The following CLIP1 variants were observed in gnomAD, a reference collection of about 807,000 sequenced individuals.
CLIP1 encodes the protein CAP-Gly domain containing linker protein 1.
Under a neutral mutation model 161.6 loss-of-function variants are expected in CLIP1, and 66 were observed. The ratio of observed to expected loss-of-function variants is 0.41; its 90% CI spans 0.33 to 0.50. The LOEUF (loss-of-function observed/expected upper bound fraction) is 0.50. CLIP1 is among the 20% of genes least tolerant of loss of function. The pLI is 0.27. For synonymous variants in CLIP1, 598 were observed against 626.2 expected (o/e 0.96, Z 0.67); for missense variants, 1,376 against 1,702.0 (o/e 0.81, Z 3.37).
chr12:122,364,998 C>T, intron 3 of CLIP1: 1 of 401,636 alleles, frequency 2.5e-6, no homozygotes, highest in Non-Finnish European at 4.7e-6. Context: ...AAAAACCAAA[C>T]ACCGCATGTT....
At chr12:122,313,017 G>C (rs139230711) in intron 19 of CLIP1, among the ~76,000 whole-genome samples, 11 of 152,090 alleles carry the variant, frequency 7.2e-5, no homozygotes, top group Non-Finnish European at 1.2e-4. Context: ...ACCGCAGAAG[G>C]CCCTGGAAAT....
intron 21 of CLIP1, among the ~76,000 whole-genome samples, chr12:122,282,871 A>T (rs932433651): frequency 6.6e-6 from 1 of 152,212 alleles, no homozygotes; most frequent in Non-Finnish European, 1.5e-5. Flanking sequence ...AAGCAAGAGT[A>T]GGAAAGGGAA....
In CLIP1 at chr12:122,351,869, C is replaced by G. The variant is rs116599201; in HGVS notation, c.1369-726G>C. Among the ~76,000 whole-genome samples the G allele has an allele frequency of 9.4e-3, 1,429 of 152,074 alleles. 14 individuals are homozygous for G. The highest frequency in any genetic ancestry group is 0.033 in the African/African-American group (1,353 of 41,480). The stretch of plus-strand genomic sequence containing the variant: ...GAGAAACCTGACACTAAAGGAAAAT[C>G]CATGAATTCTACAAATGCCATGAAA... On this transcript the variant is annotated intron_variant, in intron 8 of 25. Coordinates refer to ENST00000620786, the MANE Select transcript of CLIP1 (RefSeq NM_001247997.2).
At chr12:122,354,820 C>A in intron 6 of CLIP1, 1 of 576,144 alleles carries the variant, frequency 1.7e-6, no homozygotes, top group Admixed American at 3.0e-5. Flanking sequence ...CAAACAGCAG[C>A]TATAATCAAT....
At chr12:122,318,961 G>C (rs1165575171) in intron 18 of CLIP1, among the ~76,000 whole-genome samples, 2 of 152,216 alleles carry the variant, frequency 1.3e-5, no homozygotes, top group Non-Finnish European at 2.9e-5. Flanking sequence ...ACAAAAGCTA[G>C]AGCAGGCCAT....
At chr12:122,309,499 T>C (rs1201271268) in intron 20 of CLIP1, among the ~76,000 whole-genome samples, 2 of 152,178 alleles carry the variant, frequency 1.3e-5, no homozygotes, top group Non-Finnish European at 2.9e-5. Flanking sequence ...GCTACAAGAT[T>C]GTCTAATAAA....
chr12:122,354,807 C>A (rs1044111152), intron 6 of CLIP1: 2 of 575,320 alleles, frequency 3.5e-6, no homozygotes, highest in Admixed American at 3.0e-5. Flanking sequence ...TAAGAGTAAT[C>A]CACAAACAGC....
intron 9 of CLIP1, among the ~76,000 whole-genome samples, chr12:122,349,076 G>A (rs992848361): frequency 1.3e-5 from 2 of 152,128 alleles, no homozygotes; most frequent in Admixed American, 6.6e-5. Flanking sequence ...CTAACTGTCT[G>A]GATAATCCCC....
At chr12:122,276,598 G>T in intron 24 of CLIP1, 2 of 745,146 alleles carry the variant, frequency 2.7e-6, no homozygotes, top group African/African-American at 1.8e-5. Context: ...GAATCGTTTT[G>T]TGCCCCTCAA....
chr12:122,333,377 T>C (rs1056318693), intron 14 of CLIP1, among the ~76,000 whole-genome samples: 1 of 151,698 alleles, frequency 6.6e-6, no homozygotes, highest in Non-Finnish European at 1.5e-5. Flanking sequence ...GGGAAGGAGG[T>C]TAGAATCTCA....
intron 9 of CLIP1, chr12:122,350,885 G>A (rs1348359947): frequency 1.0e-5 from 4 of 389,796 alleles, no homozygotes; most frequent in African/African-American, 4.1e-5. Flanking sequence ...TAAAGCAAAC[G>A]TTGGCCTATT....
chr12:122,402,441 C>G (rs1032228759), intron 1 of CLIP1, among the ~76,000 whole-genome samples: 17 of 151,696 alleles, frequency 1.1e-4, no homozygotes, highest in African/African-American at 4.1e-4. Context: ...GCAGAGAGCT[C>G]TGGTCATGGC....
intron 1 of CLIP1, among the ~76,000 whole-genome samples, chr12:122,387,866 G>A (rs376180751): frequency 6.6e-6 from 1 of 151,810 alleles, no homozygotes; most frequent in Non-Finnish European, 1.5e-5. Flanking sequence ...GATTAAAGGC[G>A]TGAACCACTG....
chr12:122,357,124 G>A (rs528570704), intron 5 of CLIP1, among the ~76,000 whole-genome samples: 91 of 151,698 alleles, frequency 6.0e-4, no homozygotes, highest in African/African-American at 2.1e-3. Flanking sequence ...GAGCGTCTCT[G>A]CCCGGCCGCC....
chr12:122,277,914 C>A (rs920160006), intron 24 of CLIP1: 4 of 474,792 alleles, frequency 8.4e-6, no homozygotes, highest in African/African-American at 6.0e-5. Flanking sequence ...AGGAAAGACA[C>A]AAATAACAGT....
At chr12:122,340,192 T>C (rs1015598830) in intron 11 of CLIP1, among the ~76,000 whole-genome samples, 5 of 152,128 alleles carry the variant, frequency 3.3e-5, no homozygotes, top group African/African-American at 1.2e-4. Context: ...GTGATTCTCC[T>C]GCCTCAGCCT....
At chr12:122,339,703 C>T (rs1417079459) in intron 11 of CLIP1, among the ~76,000 whole-genome samples, 2 of 152,166 alleles carry the variant, frequency 1.3e-5, no homozygotes, top group African/African-American at 2.4e-5. Context: ...CAATTACAGT[C>T]ATGCATTGCT....
At chr12:122,275,726 C>T (rs1955399374) in intron 24 of CLIP1, 3 of 152,052 alleles carry the variant, frequency 2.0e-5, no homozygotes, top group Non-Finnish European at 4.4e-5. Flanking sequence ...CCATCCAGGA[C>T]TTTTCTGTTC....
At chr12:122,390,279 C>CATACAT (rs1555280643) in intron 1 of CLIP1, among the ~76,000 whole-genome samples, 177 of 78,988 alleles carry the variant, frequency 2.2e-3, no homozygotes, top group Admixed American at 8.0e-3. Context: ...TATATATATA[C>CATACAT]ATATATATAT....
Sources: gnomAD v4.1 joint callset for allele counts (sites outside exome capture counted in the v4.1 genomes callset) on GRCh38, gnomAD v4.1.1 for gene constraint, MANE v1.5 for transcripts, NCBI Gene and HGNC (gene_info 2026-07-23, HGNC 2026-07-21) for gene names.